The following EYS variants were observed in gnomAD, a reference collection of about 807,000 sequenced individuals.
EYS encodes protein eyes shut homolog.
Under a neutral mutation model 282.1 loss-of-function variants are expected in EYS, and 250 were observed. The observed-to-expected ratio is 0.89, with a 90% CI of 0.80 to 0.98. EYS has a LOEUF of 0.98. EYS is among the 50% of genes least tolerant of loss of function. The probability of loss-of-function intolerance (pLI) is 0.00; values close to 1 mark genes in which losing one functional copy is unlikely to be tolerated. For synonymous variants in EYS, 1,355 were observed against 1,282.9 expected (o/e 1.06, Z -1.20); for missense variants, 4,016 against 3,709.0 (o/e 1.08, Z -2.15).
At chr6:64,149,866 C>T (rs1774643490) in intron 31 of EYS, among the ~76,000 whole-genome samples, 1 of 152,150 alleles carries the variant, frequency 6.6e-6, no homozygotes, top group Non-Finnish European at 1.5e-5. Context: ...TGTTAACACG[C>T]CTTCATTTTC....
intron 22 of EYS, among the ~76,000 whole-genome samples, chr6:64,690,048 G>A (rs374372349): frequency 2.0e-5 from 3 of 151,948 alleles, no homozygotes; most frequent in Admixed American, 6.6e-5. Flanking sequence ...GCAACCTACA[G>A]AATGGGAGAA....
intron 36 of EYS, among the ~76,000 whole-genome samples, chr6:63,838,333 T>C (rs1173156369): frequency 6.6e-6 from 1 of 152,142 alleles, no homozygotes; most frequent in Admixed American, 6.6e-5. Flanking sequence ...TAAAGATTTA[T>C]GTAAATCTGA....
At chr6:65,182,899 C>G (rs567839765) in intron 12 of EYS, among the ~76,000 whole-genome samples, 1 of 151,894 alleles carries the variant, frequency 6.6e-6, no homozygotes, top group South Asian at 2.1e-4. Flanking sequence ...AGTGATCCTC[C>G]CACCCCAGCC....
intron 5 of EYS, among the ~76,000 whole-genome samples, chr6:65,413,342 T>G (rs1767101146): frequency 6.6e-6 from 1 of 152,120 alleles, no homozygotes; most frequent in Non-Finnish European, 1.5e-5. Context: ...TTTGACCTCA[T>G]GAAGTCATGA....
rs114460992 is a variant in EYS at position 64,373,176 on chromosome 6, C to A, written c.6078+15514G>T. Among the ~76,000 whole-genome samples, 1,251 of 152,144 alleles carry A rather than the reference C, an allele frequency of 8.2e-3. 16 individuals are homozygous for A. Among genetic ancestry groups the A allele is most frequent in the African/African-American group, 0.028 (1,146 of 41,512 alleles). The stretch of plus-strand genomic sequence containing the variant: ...TCCAGAGTTATTGTGCTGTTTTTTC[C>A]TTATTTGTGGGGATTATGTTCTTTC... On this transcript the variant is annotated intron_variant, in intron 29 of 42. Transcript: ENST00000503581.
At chr6:64,827,324 C>T (rs1765089995) in intron 19 of EYS, among the ~76,000 whole-genome samples, 1 of 151,792 alleles carries the variant, frequency 6.6e-6, no homozygotes, top group Admixed American at 6.6e-5. Context: ...TCTCCCATTG[C>T]ATATCAGCTA....
At chr6:65,648,314 ATGTG>A (rs58196369) in intron 1 of EYS, among the ~76,000 whole-genome samples, 13,365 of 147,780 alleles carry the variant, frequency 0.09, 1,574 homozygotes, top group African/African-American at 0.28. Flanking sequence ...AAGAAAATAT[ATGTG>A]TGTGTGTGTG....
intron 12 of EYS, among the ~76,000 whole-genome samples, chr6:65,273,204 G>A (rs1043419900): frequency 2.6e-5 from 4 of 152,028 alleles, no homozygotes; most frequent in African/African-American, 9.7e-5. Flanking sequence ...TAATATTTTG[G>A]ACAGTAGTCA....
At chr6:65,519,539 A>G (rs1767269708) in intron 2 of EYS, among the ~76,000 whole-genome samples, 1 of 149,320 alleles carries the variant, frequency 6.7e-6, no homozygotes, top group African/African-American at 2.5e-5. Context: ...TTAATAATAG[A>G]ATACTAAATT....
chr6:65,181,278 G>A (rs925887478), intron 12 of EYS, among the ~76,000 whole-genome samples: 3 of 152,020 alleles, frequency 2.0e-5, no homozygotes, highest in African/African-American at 7.2e-5. Flanking sequence ...GCAACCTACA[G>A]AGTGGGAGAA....
At chr6:65,602,477 C>T (rs896695316) in intron 2 of EYS, among the ~76,000 whole-genome samples, 2 of 151,896 alleles carry the variant, frequency 1.3e-5, no homozygotes, top group Non-Finnish European at 2.9e-5. Flanking sequence ...GTTTTCTCCA[C>T]ATGCATCTTA....
At chr6:64,148,528 A>G (rs554886215) in intron 31 of EYS, among the ~76,000 whole-genome samples, 2 of 152,282 alleles carry the variant, frequency 1.3e-5, no homozygotes, top group South Asian at 4.1e-4. Context: ...TCACACATCA[A>G]TAGTTAAGTT....
chr6:65,319,023 A>G (rs894414531), intron 11 of EYS, among the ~76,000 whole-genome samples: 5 of 151,498 alleles, frequency 3.3e-5, no homozygotes, highest in Non-Finnish European at 7.4e-5. Flanking sequence ...TTACATATAT[A>G]TGTTTACATG....
At chr6:65,053,361 T>C (rs2150155583) in intron 13 of EYS, among the ~76,000 whole-genome samples, 1 of 151,928 alleles carries the variant, frequency 6.6e-6, no homozygotes, top group African/African-American at 2.4e-5. Context: ...TCAAACAAAT[T>C]CATAAATGCA....
chr6:64,173,048 A>G (rs1764529787), intron 31 of EYS, among the ~76,000 whole-genome samples: 1 of 152,176 alleles, frequency 6.6e-6, no homozygotes, highest in Non-Finnish European at 1.5e-5. Context: ...TATGGTGAGC[A>G]GCAGGGACTG....
At chr6:64,394,991 C>T (rs571803054) in intron 28 of EYS, among the ~76,000 whole-genome samples, 13 of 152,210 alleles carry the variant, frequency 8.5e-5, no homozygotes, top group African/African-American at 1.9e-4. Context: ...AGACACTTCT[C>T]GAAAGAAGAC....
intron 31 of EYS, among the ~76,000 whole-genome samples, chr6:64,216,282 G>A (rs1275637148): frequency 6.6e-6 from 1 of 152,142 alleles, no homozygotes; most frequent in Non-Finnish European, 1.5e-5. Context: ...GACAAACAAA[G>A]TCTCTAAATT....
At chr6:64,149,234 C>G in intron 31 of EYS, among the ~76,000 whole-genome samples, 1 of 152,158 alleles carries the variant, frequency 6.6e-6, no homozygotes, top group East Asian at 1.9e-4. Context: ...CTATTCTACA[C>G]TTGGAGAAAA....
In EYS at chr6:65,617,807, G is replaced by T. The variant is rs866929384; in HGVS notation, c.-333+21971C>A. 5.3e-5 allele frequency among the ~76,000 whole-genome samples: 8 copies of T among 150,678 alleles called. 1 individual carries two copies. In the Middle Eastern group the frequency reaches 9.6e-3, roughly 180 times the overall value. On this transcript the variant is annotated intron_variant, in intron 2 of 42. Coordinates refer to ENST00000503581, the MANE Select transcript of EYS (RefSeq NM_001142800.2). ...AATGAGTGAGAATATGTGGTGTTTGGTTTTTTGCACTTGCAATAGTTTGCT... is the reference window on the plus strand; with the variant it reads ...AATGAGTGAGAATATGTGGTGTTTGTTTTTTTGCACTTGCAATAGTTTGCT...
Sources: gnomAD v4.1 joint callset for allele counts (sites outside exome capture counted in the v4.1 genomes callset) on GRCh38, gnomAD v4.1.1 for gene constraint, MANE v1.5 for transcripts, NCBI Gene and HGNC (gene_info 2026-07-23, HGNC 2026-07-21) for gene names.